Variants in MICU1 observed in about 807,000 individuals in gnomAD.
MICU1 encodes the protein mitochondrial calcium uptake 1, also known as calcium uptake protein 1, mitochondrial.
MICU1 carries 45 observed loss-of-function variants against 56.8 expected under a neutral mutation model. That is an observed-to-expected ratio of 0.79 (90% confidence interval 0.62 to 1.02). The LOEUF (loss-of-function observed/expected upper bound fraction) is 1.02. Among genes scored for constraint, MICU1 ranks in the 50% least tolerant of loss-of-function variants. The pLI, the probability that MICU1 is intolerant of heterozygous loss-of-function variation, is 0.00. For missense variants in MICU1, 504 were observed against 587.1 expected, an observed-to-expected ratio of 0.86 and a Z score of 1.46; for synonymous variants, 186 against 195.1, an observed-to-expected ratio of 0.95 and a Z score of 0.39.
intron 10 of MICU1, among the ~76,000 whole-genome samples, chr10:72,384,537 T>C (rs1379074822): frequency 1.3e-5 from 2 of 152,204 alleles, no homozygotes; most frequent in Non-Finnish European, 2.9e-5. Flanking sequence ...CTTTGTGATG[T>C]AATTCATGAT....
chr10:72,530,955 G>T (rs1839465043), intron 5 of MICU1, among the ~76,000 whole-genome samples: 1 of 152,006 alleles, frequency 6.6e-6, no homozygotes, highest in African/African-American at 2.4e-5. Context: ...CCATTATTCA[G>T]GTAGAAATTT....
intron 8 of MICU1, among the ~76,000 whole-genome samples, chr10:72,466,441 T>C (rs1865796454): frequency 6.6e-6 from 1 of 152,228 alleles, no homozygotes. Context: ...CTGTACTCTT[T>C]AACAAACTCT....
chr10:72,432,955 G>GT lies in MICU1; in HGVS notation c.934-9585dup, dbSNP rs1037657064. 3.9e-5 allele frequency among the ~76,000 whole-genome samples: 6 copies of GT among 152,106 alleles called. No individual in the cohort carries two copies. In the South Asian group the frequency reaches 6.2e-4, roughly 16 times the overall value. On this transcript the variant is annotated intron_variant, in intron 8 of 11. Coordinates refer to ENST00000361114, the MANE Select transcript of MICU1 (RefSeq NM_001195518.2). ...TGCGTGGATCTTCTTCTTCCTTTAT[G>GT]TTTTTTTTGAGACGGAGTCTCACCT...
At chr10:72,609,906 G>A (rs1174395432) in intron 1 of MICU1, among the ~76,000 whole-genome samples, 7 of 151,630 alleles carry the variant, frequency 4.6e-5, no homozygotes, top group African/African-American at 7.3e-5. Flanking sequence ...GTGGTGGTGC[G>A]TGCCTGTAAT....
At chr10:72,374,010 A>G (rs991628359) in intron 11 of MICU1, among the ~76,000 whole-genome samples, 5 of 152,228 alleles carry the variant, frequency 3.3e-5, no homozygotes, top group Non-Finnish European at 7.3e-5. Context: ...GCAGCTCTAG[A>G]GAATAAACCC....
intron 4 of MICU1, among the ~76,000 whole-genome samples, chr10:72,536,713 AT>A (rs1285497574): frequency 1.3e-5 from 2 of 152,244 alleles, no homozygotes; most frequent in Non-Finnish European, 2.9e-5. Context: ...TTAATACTTT[AT>A]TTAACTGAAT....
chr10:72,547,608 T>C (rs1839929081), intron 4 of MICU1, among the ~76,000 whole-genome samples: 1 of 151,738 alleles, frequency 6.6e-6, no homozygotes, highest in Non-Finnish European at 1.5e-5. Context: ...TTCTGATAAT[T>C]TCAACATTCA....
At chr10:72,460,166 GCACCATTCAAAATACTT>G (rs1355792505) in intron 8 of MICU1, among the ~76,000 whole-genome samples, 6 of 152,294 alleles carry the variant, frequency 3.9e-5, no homozygotes. Flanking sequence ...TATCCGTGGT[GCACCATTCAAAATACTT>G]CATGACCTGG....
intron 1 of MICU1, among the ~76,000 whole-genome samples, chr10:72,569,294 G>A (rs1481272243): frequency 7.6e-6 from 1 of 131,674 alleles, no homozygotes; most frequent in African/African-American, 2.9e-5. Flanking sequence ...GAGTGTGGTG[G>A]CATGATCTCA....
chr10:72,407,649 C>T (rs1248656942), intron 10 of MICU1, among the ~76,000 whole-genome samples: 4 of 152,180 alleles, frequency 2.6e-5, no homozygotes, highest in African/African-American at 7.2e-5. Context: ...GGAAGTTCTG[C>T]AGCTTCATGC....
chr10:72,430,440 T>A (rs923022138), intron 8 of MICU1, among the ~76,000 whole-genome samples: 10 of 152,182 alleles, frequency 6.6e-5, no homozygotes, highest in Non-Finnish European at 1.0e-4. Flanking sequence ...TAATAATACA[T>A]ATAACAGACA....
chr10:72,389,911 C>G (rs898691547), intron 10 of MICU1, among the ~76,000 whole-genome samples: 2 of 152,220 alleles, frequency 1.3e-5, no homozygotes, highest in Non-Finnish European at 2.9e-5. Context: ...AATCAGCCAG[C>G]CGCTGAGAGG....
intron 5 of MICU1, chr10:72,528,617 A>G (rs1839388559): frequency 6.4e-6 from 1 of 157,176 alleles, no homozygotes; most frequent in Non-Finnish European, 1.4e-5. Context: ...GAATTCATCA[A>G]ACCCTGTCCC....
At chr10:72,593,991 T>C (rs1370907686) in intron 1 of MICU1, among the ~76,000 whole-genome samples, 5 of 152,200 alleles carry the variant, frequency 3.3e-5, no homozygotes, top group Admixed American at 1.3e-4. Context: ...CCCAATGACA[T>C]TGTTTGAAGA....
At chr10:72,375,666 G>A in intron 11 of MICU1, 117 bp downstream of exon 11, 1 of 887,066 alleles carries the variant, frequency 1.1e-6, no homozygotes, top group Non-Finnish European at 1.7e-6. Flanking sequence ...AGAAAGGTGG[G>A]TAGCTTGAAG....
rs146352727 is a variant in MICU1 at position 72,426,640 on chromosome 10, G to T, written c.934-3269C>A. 2.6e-3 allele frequency among the ~76,000 whole-genome samples: 393 copies of T among 150,954 alleles called. 2 individuals carry two copies. Among genetic ancestry groups the T allele is most frequent in the African/African-American group, 9.0e-3 (369 of 41,128 alleles). Reference sequence around the variant, plus strand: ...TCAAACCCTTGAGCTCAAGCTATCTGCCCACCTCAGGCCTCCCAAAGTGCT... The same window carrying T: ...TCAAACCCTTGAGCTCAAGCTATCTTCCCACCTCAGGCCTCCCAAAGTGCT... On this transcript the variant is annotated intron_variant, in intron 8 of 11. Transcript: ENST00000361114.
chr10:72,379,987 C>T (rs1294565830), intron 10 of MICU1, among the ~76,000 whole-genome samples: 1 of 152,108 alleles, frequency 6.6e-6, no homozygotes, highest in Admixed American at 6.5e-5. Flanking sequence ...CTAGGAGCAC[C>T]TGGGATGAGT....
chr10:72,408,781 C>T (rs923550305), intron 9 of MICU1, among the ~76,000 whole-genome samples: 1 of 152,124 alleles, frequency 6.6e-6, no homozygotes, highest in African/African-American at 2.4e-5. Context: ...GAGGCTTAAG[C>T]GAATTGAAGA....
chr10:72,593,059 T>G (rs1164974957), intron 1 of MICU1, among the ~76,000 whole-genome samples: 2 of 151,992 alleles, frequency 1.3e-5, no homozygotes, highest in Non-Finnish European at 2.9e-5. Flanking sequence ...GTGCTGAGAT[T>G]ACAGGCATGA....
Sources: gnomAD v4.1 joint callset for allele counts (sites outside exome capture counted in the v4.1 genomes callset) on GRCh38, gnomAD v4.1.1 for gene constraint, MANE v1.5 for transcripts, NCBI Gene and HGNC (gene_info 2026-07-23, HGNC 2026-07-21) for gene names.